Variants in UVRAG observed in about 807,000 individuals in gnomAD.
UVRAG encodes the protein UV radiation resistance associated, also known as UV radiation resistance-associated gene protein.
In UVRAG, 19 loss-of-function variants were observed where a neutral mutation model predicts 78.0. The observed-to-expected ratio is 0.24, with a 90% CI of 0.17 to 0.36. The LOEUF (loss-of-function observed/expected upper bound fraction) is 0.36, where lower values mean the gene tolerates loss of function less well. Ranked by LOEUF, UVRAG falls within the 10% of genes least tolerant of loss-of-function variation. The pLI, the probability that UVRAG is intolerant of heterozygous loss-of-function variation, is 1.00. For synonymous variants in UVRAG, 323 were observed against 324.6 expected (o/e 1.00, Z 0.05); for missense variants, 740 against 853.8 (o/e 0.87, Z 1.66).
At chr11:75,975,140 T>G (rs1421500546) in intron 7 of UVRAG, among the ~76,000 whole-genome samples, 2 of 152,232 alleles carry the variant, frequency 1.3e-5, no homozygotes, top group Non-Finnish European at 2.9e-5. Context: ...TAGGATTTCT[T>G]GTTTTTGTCA....
chr11:75,973,713 C>A lies in UVRAG; in HGVS notation c.700-9674C>A, dbSNP rs893753014. On this transcript the variant is annotated intron_variant, in intron 7 of 14. Transcript: ENST00000356136. Reference sequence around the variant, plus strand: ...CTAATGCTATCCCTCCTCCATCCCCCCAACCCACGACAGGCCCTGGTGTGT... The same window carrying A: ...CTAATGCTATCCCTCCTCCATCCCCACAACCCACGACAGGCCCTGGTGTGT... Among the ~76,000 whole-genome samples the A allele has an allele frequency of 1.3e-5, 2 of 152,188 alleles. 1 individual carries two copies. The highest frequency in any genetic ancestry group is 2.9e-5 in the Non-Finnish European group (2 of 68,028).
intron 5 of UVRAG, among the ~76,000 whole-genome samples, chr11:75,910,886 T>C (rs1428568115): frequency 6.6e-6 from 1 of 152,172 alleles, no homozygotes; most frequent in Non-Finnish European, 1.5e-5. Context: ...TGGAATGCCC[T>C]TTTCCCCATA....
intron 1 of UVRAG, among the ~76,000 whole-genome samples, chr11:75,836,915 A>G (rs1945789405): frequency 6.6e-6 from 1 of 152,040 alleles, no homozygotes; most frequent in Non-Finnish European, 1.5e-5. Flanking sequence ...ACTAGCTTTT[A>G]TGTAACAAGG....
chr11:76,093,409 C>T (rs992755885), intron 13 of UVRAG, among the ~76,000 whole-genome samples: 1 of 152,122 alleles, frequency 6.6e-6, no homozygotes, highest in East Asian at 1.9e-4. Flanking sequence ...TCATTGGTAG[C>T]TTGATGGGGA....
At chr11:75,908,323 T>G (rs2135013979) in intron 5 of UVRAG, among the ~76,000 whole-genome samples, 1 of 152,348 alleles carries the variant, frequency 6.6e-6, no homozygotes, top group East Asian at 1.9e-4. Context: ...ATCATCTGTC[T>G]GTGGACACTT....
intron 6 of UVRAG, among the ~76,000 whole-genome samples, chr11:75,940,720 G>GT (rs903175359): frequency 2.0e-5 from 3 of 152,136 alleles, no homozygotes; most frequent in Admixed American, 1.3e-4. Context: ...TGCTTTTGAA[G>GT]TATTTAGTTA....
At chr11:76,088,146 G>A (rs1951626489) in intron 13 of UVRAG, among the ~76,000 whole-genome samples, 1 of 152,154 alleles carries the variant, frequency 6.6e-6, no homozygotes, top group African/African-American at 2.4e-5. Flanking sequence ...AAGCGATAGT[G>A]ATGGGATTAC....
intron 7 of UVRAG, among the ~76,000 whole-genome samples, chr11:75,964,887 A>C (rs1591069756): frequency 6.6e-6 from 1 of 152,280 alleles, no homozygotes; most frequent in East Asian, 1.9e-4. Context: ...AATTGCCTTG[A>C]CATGTTTGTT....
At chr11:75,836,604 C>T (rs1419568863) in intron 1 of UVRAG, among the ~76,000 whole-genome samples, 1 of 152,176 alleles carries the variant, frequency 6.6e-6, no homozygotes, top group Non-Finnish European at 1.5e-5. Flanking sequence ...TCTTTTCCAC[C>T]CACTTCATTC....
chr11:76,134,077 C>T (rs1952560207), intron 14 of UVRAG, among the ~76,000 whole-genome samples: 1 of 151,808 alleles, frequency 6.6e-6, no homozygotes, highest in African/African-American at 2.4e-5. Flanking sequence ...TCTCCTGCCT[C>T]AGCCTCCCGT....
At chr11:76,115,853 T>G in intron 13 of UVRAG, 71 bp from the exon 14 acceptor site, 1 of 1,370,200 alleles carries the variant, frequency 7.3e-7, no homozygotes, top group Non-Finnish European at 1.0e-6. Context: ...AAATAACTTG[T>G]TTAGTGGTTC....
chr11:76,019,139 C>T (rs1950196959), intron 12 of UVRAG, among the ~76,000 whole-genome samples: 1 of 152,176 alleles, frequency 6.6e-6, no homozygotes, highest in South Asian at 2.1e-4. Context: ...ATGCATTCTT[C>T]AGTATTTCAG....
At chr11:76,040,015 G>A (rs1054267652) in intron 12 of UVRAG, among the ~76,000 whole-genome samples, 1 of 152,150 alleles carries the variant, frequency 6.6e-6, no homozygotes, top group Non-Finnish European at 1.5e-5. Flanking sequence ...GTTTAGCTAT[G>A]CCTTATGCTT....
intron 3 of UVRAG, among the ~76,000 whole-genome samples, chr11:75,876,054 G>A (rs942487290): frequency 1.3e-5 from 2 of 152,018 alleles, no homozygotes; most frequent in African/African-American, 4.8e-5. Context: ...CCAAAGCCCC[G>A]GCTTTGTATA....
intron 1 of UVRAG, among the ~76,000 whole-genome samples, chr11:75,844,227 C>CT (rs1027403457): frequency 6.6e-6 from 1 of 151,328 alleles, no homozygotes; most frequent in Non-Finnish European, 1.5e-5. Flanking sequence ...ATTTCTTTTT[C>CT]TTTTTTTCTT....
At position 75,815,225 on chromosome 11, in the gene UVRAG, C is replaced by T. The variant is rs887356984; in HGVS notation, c.-183C>T. ...GTTGCACTGCGGTAATATGGCTCTT[C>T]CTTAGCCAGCGGCGGCAACGGCGGC... On this transcript the variant is annotated 5_prime_UTR_variant, in exon 1 of 15. Coordinates refer to ENST00000356136, the MANE Select transcript of UVRAG (RefSeq NM_003369.4). 4.5e-6 allele frequency: 2 copies of T among 444,316 alleles called. No individual in the cohort carries two copies. The highest frequency in any genetic ancestry group is 3.5e-5 in the East Asian group (1 of 28,356). 27.5% of individuals were successfully genotyped at this position (444,316 alleles called of 1,614,324 possible). A position where few individuals can be genotyped will look rare whatever the true frequency, so the allele number is the denominator to read the frequency against.
intron 6 of UVRAG, among the ~76,000 whole-genome samples, chr11:75,953,117 G>GATGCTTCTCTTTCATT (rs1591057735): frequency 6.6e-6 from 1 of 151,898 alleles, no homozygotes; most frequent in Non-Finnish European, 1.5e-5. Flanking sequence ...TTTTATGCTG[G>GATGCTTCTCTTTCATT]TAATTTGTTT....
intron 6 of UVRAG, among the ~76,000 whole-genome samples, chr11:75,919,187 T>C (rs1436651027): frequency 2.0e-5 from 3 of 152,182 alleles, no homozygotes; most frequent in African/African-American, 7.2e-5. Flanking sequence ...ATCTTTAAAC[T>C]ATGGATGTGA....
At chr11:75,913,330 T>G (rs1014546297) in intron 6 of UVRAG, among the ~76,000 whole-genome samples, 1 of 152,212 alleles carries the variant, frequency 6.6e-6, no homozygotes, top group African/African-American at 2.4e-5. Flanking sequence ...TCATAGATGC[T>G]GAAAGAGGAT....
Sources: allele counts gnomAD v4.1 joint callset (sites outside exome capture counted in the v4.1 genomes callset), GRCh38; gene constraint gnomAD v4.1.1; transcripts MANE v1.5; gene names NCBI Gene and HGNC (gene_info 2026-07-23, HGNC 2026-07-21).